The following ZBTB25 variants were observed in gnomAD, a reference collection of about 807,000 sequenced individuals.
ZBTB25 encodes the protein zinc finger and BTB domain-containing protein 25.
ZBTB25 carries 20 observed loss-of-function variants against 34.2 expected under a neutral mutation model. The ratio of observed to expected loss-of-function variants is 0.58; its 90% CI spans 0.41 to 0.85. ZBTB25 has a LOEUF of 0.85. Among genes scored for constraint, ZBTB25 ranks in the 40% least tolerant of loss-of-function variants. ZBTB25 has a pLI of 0.00. For missense variants in ZBTB25, 437 were observed against 521.8 expected (o/e 0.84, Z 1.58); for synonymous variants, 175 against 186.4 (o/e 0.94, Z 0.50).
At chr14:64,492,796 T>C (rs1037870981) in intron 1 of ZBTB25, among the ~76,000 whole-genome samples, 3 of 152,068 alleles carry the variant, frequency 2.0e-5, no homozygotes, top group African/African-American at 4.8e-5. Flanking sequence ...TGAAGAGCAA[T>C]TTAATAAAGA....
upstream of ZBTB25, chr14:64,505,117 T>G: frequency 2.9e-6 from 1 of 347,372 alleles, no homozygotes. Context: ...CCAGGCCGCC[T>G]GCTTGTTGCC....
At chr14:64,466,514 T>G (rs1244669729) in intron 2 of ZBTB25, among the ~76,000 whole-genome samples, 1 of 152,192 alleles carries the variant, frequency 6.6e-6, no homozygotes, top group African/African-American at 2.4e-5. Flanking sequence ...GGTGAGAAGA[T>G]TTAAACAGTT....
upstream of ZBTB25, chr14:64,505,092 G>T (rs901932906): frequency 2.8e-5 from 10 of 355,560 alleles, no homozygotes; most frequent in Non-Finnish European, 5.0e-5. Context: ...GCGAGGACCC[G>T]GTGACGGGCG....
upstream of ZBTB25, chr14:64,503,975 G>C (rs1346743098): frequency 6.6e-6 from 1 of 152,154 alleles, no homozygotes; most frequent in East Asian, 1.9e-4. Flanking sequence ...TGACTCTGTA[G>C]GCGGAAGCAT....
chr14:64,456,742 TG>T (rs372471219), intron 2 of ZBTB25, among the ~76,000 whole-genome samples: 74 of 152,342 alleles, frequency 4.9e-4, no homozygotes, highest in African/African-American at 1.7e-3. Flanking sequence ...ATAAACCAGT[TG>T]TCAGATCCCT....
At chr14:64,503,356 G>A (rs930248813) in intron 1 of ZBTB25, 14 of 985,292 alleles carry the variant, frequency 1.4e-5, no homozygotes, top group Non-Finnish European at 1.4e-5. Context: ...GGTCGCACCC[G>A]GACCCGCGGC....
chr14:64,499,189 G>A (rs982796626), intron 1 of ZBTB25, among the ~76,000 whole-genome samples: 1 of 152,150 alleles, frequency 6.6e-6, no homozygotes, highest in Non-Finnish European at 1.5e-5. Flanking sequence ...AGTGTTCAAA[G>A]TATGGAAATT....
chr14:64,489,540 CT>C (rs372078564), intron 2 of ZBTB25, among the ~76,000 whole-genome samples: 165 of 142,348 alleles, frequency 1.2e-3, no homozygotes, highest in South Asian at 8.5e-3. Flanking sequence ...TTTCCTTTTT[CT>C]TTTTTTTTTT....
At position 64,469,535 on chromosome 14, in the gene ZBTB25, G is replaced by C. The variant is rs569529233; in HGVS notation, c.174-19897C>G. The C allele has an allele frequency of 1.7e-5, 27 of 1,613,914 alleles. No individual in the cohort carries two copies. In the South Asian group the frequency reaches 2.7e-4, roughly 16 times the overall value. ...GGTTTTTGCTAATGATAATGGTTTTGAGGATAGAACTTCAGAACAATATGA... is the reference window on the plus strand; with the variant it reads ...GGTTTTTGCTAATGATAATGGTTTTCAGGATAGAACTTCAGAACAATATGA... On this transcript the variant is annotated intron_variant, in intron 2 of 2. Transcript: ENST00000555220.
rs1186344249 is a variant in ZBTB25 at position 64,478,361 on chromosome 14, G to C, written c.*8562C>G. The C allele has an allele frequency of 6.6e-6, 1 of 152,234 alleles. No homozygotes were observed. The highest frequency in any genetic ancestry group is 1.9e-4 in the East Asian group (1 of 5,208). The allele number at this position is 152,234 out of a possible 1,614,324, so 9.4% of individuals were successfully genotyped here. A position where few individuals can be genotyped will look rare whatever the true frequency, so the allele number is the denominator to read the frequency against. On this transcript the variant is annotated 3_prime_UTR_variant, in exon 3 of 3. Transcript: ENST00000608382. ...CAGAATGGAATGGGTTGGAAAGTAT[G>C]AGAGAAGAAAGTCAGTTGTTGAACC... is the stretch of plus-strand genomic sequence containing the variant.
At chr14:64,505,019 G>C (rs2079620328), upstream of ZBTB25, 1 of 387,086 alleles carries the variant, frequency 2.6e-6, no homozygotes, top group Non-Finnish European at 4.6e-6. Context: ...CCGCGGGCCT[G>C]GCGGAGTGCG....
At chr14:64,469,311 C>G (rs2078643327) in intron 2 of ZBTB25, 19 of 1,612,990 alleles carry the variant, frequency 1.2e-5, no homozygotes, top group Non-Finnish European at 1.6e-5. Context: ...GAAACTAAGC[C>G]AAAAGATACT....
intron 1 of ZBTB25, chr14:64,502,568 C>T: frequency 2.2e-6 from 2 of 929,004 alleles, no homozygotes; most frequent in East Asian, 1.2e-4. Context: ...AGGCGGCCTA[C>T]CTCACCTAGA....
At chr14:64,464,597 G>A (rs1354659097) in intron 2 of ZBTB25, among the ~76,000 whole-genome samples, 1 of 152,168 alleles carries the variant, frequency 6.6e-6, no homozygotes, top group African/African-American at 2.4e-5. Flanking sequence ...GAACGCGGCT[G>A]CTTTTCAGTA....
chr14:64,486,675 T>A lies in ZBTB25; in HGVS notation c.*248A>T. The A allele has an allele frequency of 8.8e-7, 1 of 1,131,868 alleles. No homozygotes were observed. The highest frequency in any genetic ancestry group is 1.1e-6 in the Non-Finnish European group (1 of 912,090). 70.1% of individuals were successfully genotyped at this position (1,131,868 alleles called of 1,614,324 possible). A position where few individuals can be genotyped will look rare whatever the true frequency, so the allele number is the denominator to read the frequency against. On this transcript the variant is annotated 3_prime_UTR_variant, in exon 3 of 3. Transcript: ENST00000608382. ...TATTTAAGGTTTCCATATTTCTACA[T>A]TGATTTCTGATTTCTAAATTGTTAT...
chr14:64,458,161 G>C, intron 2 of ZBTB25: 1 of 1,379,526 alleles, frequency 7.2e-7, no homozygotes, highest in East Asian at 2.3e-5. Context: ...GATTATAGGC[G>C]TGAGCCACTG....
chr14:64,462,057 T>G (rs950091008), intron 2 of ZBTB25: 4 of 152,174 alleles, frequency 2.6e-5, no homozygotes, highest in African/African-American at 9.6e-5. Flanking sequence ...AACAGCCACA[T>G]GGGTTTAAAT....
rs2079045871 is a variant in ZBTB25, at chr14:64,490,593, AT to A, written c.-7-54del. On this transcript the variant is annotated intron_variant, in intron 1 of 2. Transcript: ENST00000608382. The stretch of plus-strand genomic sequence containing the variant: ...ATAGGTGTGTATGTATATACGCATT[AT>A]TTTTTATTAATACAAAATTGTCTAC... The A allele has an allele frequency of 6.4e-6, 9 of 1,407,688 alleles. No homozygotes were observed. In the Admixed American group the frequency reaches 1.6e-4, roughly 25 times the overall value. The allele number at this position is 1,407,688 out of a possible 1,614,324, so 87.2% of individuals were successfully genotyped here. A position where few individuals can be genotyped will look rare whatever the true frequency, so the allele number is the denominator to read the frequency against.
Position 64,490,208 on chromosome 14 carries a change from C to CAAAAA in ZBTB25, c.173+148_173+152dup, listed in dbSNP as rs61367816. On this transcript the variant is annotated intron_variant, in intron 2 of 2. Coordinates refer to ENST00000608382, the MANE Select transcript of ZBTB25 (RefSeq NM_006977.5). The stretch of plus-strand genomic sequence containing the variant: ...GGGTGACAGAGCAAGACTCTGTCGC[C>CAAAAA]AAAAAAAAAAAAAAAAAAAAAAAAA... Among the ~76,000 whole-genome samples, 3 of 90,952 alleles carry CAAAAA rather than the reference C, an allele frequency of 3.3e-5. 1 individual carries two copies. The highest frequency in any genetic ancestry group is 6.4e-4 in the East Asian group (2 of 3,146). 59.7% of individuals were successfully genotyped at this position (90,952 alleles called of 152,430 possible).
Sources: allele counts gnomAD v4.1 joint callset (sites outside exome capture counted in the v4.1 genomes callset), GRCh38; gene constraint gnomAD v4.1.1; transcripts MANE v1.5; gene names NCBI Gene and HGNC (gene_info 2026-07-23, HGNC 2026-07-21).